The following NEK7 variants were observed in gnomAD, a reference collection of about 807,000 sequenced individuals.
NEK7 encodes serine/threonine-protein kinase Nek7.
In NEK7, 18 loss-of-function variants were observed where a neutral mutation model predicts 44.6. The ratio of observed to expected loss-of-function variants is 0.40; its 90% CI spans 0.28 to 0.60. The LOEUF (loss-of-function observed/expected upper bound fraction) is 0.60. NEK7 is among the 20% of genes least tolerant of loss of function. The pLI is 0.38. For synonymous variants in NEK7, 130 were observed against 121.1 expected, an observed-to-expected ratio of 1.07 and a Z score of -0.48; for missense variants, 256 against 366.5, an observed-to-expected ratio of 0.70 and a Z score of 2.46.
Position 198,264,133 on chromosome 1 carries a change from C to T in NEK7, c.270C>T (p.Asn90=), listed in dbSNP as rs1254667817. Residue 90 remains asparagine (N), a synonymous_variant, in exon 5 of 10, where the codon AAC becomes AAT. Transcript: ENST00000367385. ...IKEIDLLKQL[N]HPNVIKYYAS... ...CTGTTTTATTTTCTCAGCAACTCAA[C>T]CATCCAAATGTAATAAAATATTATG... 1 of 1,584,002 alleles carries T rather than the reference C, an allele frequency of 6.3e-7. No individual in the cohort carries two copies.
intron 1 of NEK7, among the ~76,000 whole-genome samples, chr1:198,168,652 G>A (rs938739413): frequency 1.3e-5 from 2 of 152,184 alleles, no homozygotes; most frequent in African/African-American, 4.8e-5. Context: ...TGTAAAATGA[G>A]TGACTCTGTG....
At chr1:198,181,196 A>G (rs971759134) in intron 1 of NEK7, among the ~76,000 whole-genome samples, 6 of 152,114 alleles carry the variant, frequency 3.9e-5, no homozygotes, top group Admixed American at 1.3e-4. Context: ...TGTTAGGTCA[A>G]CCATATACTT....
intron 2 of NEK7, among the ~76,000 whole-genome samples, chr1:198,239,277 T>C (rs1019856919): frequency 4.6e-5 from 7 of 152,196 alleles, no homozygotes; most frequent in Admixed American, 1.3e-4. Context: ...TCAGAGATCT[T>C]TATCATCTGG....
chr1:198,216,555 G>A (rs1230045268), intron 1 of NEK7, among the ~76,000 whole-genome samples: 1 of 151,768 alleles, frequency 6.6e-6, no homozygotes, highest in Non-Finnish European at 1.5e-5. Flanking sequence ...ACCCAAGCTA[G>A]CAGAGGAAAA....
intron 9 of NEK7, among the ~76,000 whole-genome samples, chr1:198,300,341 G>A (rs192439899): frequency 2.0e-5 from 3 of 152,148 alleles, no homozygotes; most frequent in East Asian, 1.9e-4. Context: ...ATTGATCATC[G>A]GATATTCTTT....
At chr1:198,259,263 T>C (rs1653376705) in intron 3 of NEK7, among the ~76,000 whole-genome samples, 1 of 152,160 alleles carries the variant, frequency 6.6e-6, no homozygotes, top group Non-Finnish European at 1.5e-5. Flanking sequence ...CTCTTATACA[T>C]CTATTATTCA....
chr1:198,285,532 T>C (rs773513213), intron 7 of NEK7, among the ~76,000 whole-genome samples: 5 of 152,176 alleles, frequency 3.3e-5, no homozygotes, highest in Non-Finnish European at 5.9e-5. Context: ...TCTTGTGTTA[T>C]ATTCATATCA....
At chr1:198,246,290 C>T (rs1666833217) in intron 2 of NEK7, among the ~76,000 whole-genome samples, 1 of 152,216 alleles carries the variant, frequency 6.6e-6, no homozygotes, top group Non-Finnish European at 1.5e-5. Context: ...CTTCTCATGT[C>T]AGCTCTCCAC....
intron 1 of NEK7, among the ~76,000 whole-genome samples, chr1:198,180,428 C>CTTTCCT (rs1407149605): frequency 6.6e-6 from 1 of 151,988 alleles, no homozygotes; most frequent in Non-Finnish European, 1.5e-5. Flanking sequence ...GATGAGGTTT[C>CTTTCCT]TTTCCTTTGT....
intron 1 of NEK7, among the ~76,000 whole-genome samples, chr1:198,220,038 A>T (rs568651002): frequency 2.6e-5 from 4 of 151,882 alleles, no homozygotes; most frequent in Non-Finnish European, 5.9e-5. Context: ...TGACTGGCAA[A>T]TATTGATTTT....
chr1:198,200,833 G>C (rs1185810911), intron 1 of NEK7, among the ~76,000 whole-genome samples: 1 of 152,202 alleles, frequency 6.6e-6, no homozygotes, highest in Non-Finnish European at 1.5e-5. Context: ...TTACAGGCAT[G>C]AGCCACTGTG....
At chr1:198,167,130 T>C (rs1274243161) in intron 1 of NEK7, among the ~76,000 whole-genome samples, 2 of 152,216 alleles carry the variant, frequency 1.3e-5, no homozygotes, top group Non-Finnish European at 2.9e-5. Flanking sequence ...CTTCTGGTAT[T>C]GGCAGCAATC....
At chr1:198,257,184 G>A (rs1653296115) in intron 3 of NEK7, among the ~76,000 whole-genome samples, 1 of 152,052 alleles carries the variant, frequency 6.6e-6, no homozygotes, top group Admixed American at 6.6e-5. Flanking sequence ...AATACTTTAT[G>A]TATTTATACA....
intron 2 of NEK7, among the ~76,000 whole-genome samples, chr1:198,248,066 T>C (rs1052299153): frequency 6.6e-6 from 1 of 151,870 alleles, no homozygotes; most frequent in Non-Finnish European, 1.5e-5. Flanking sequence ...GCTTGGAGAG[T>C]ACAGAGGGGG....
intron 9 of NEK7, among the ~76,000 whole-genome samples, chr1:198,298,309 G>T (rs372302432): frequency 6.6e-6 from 1 of 152,128 alleles, no homozygotes; most frequent in African/African-American, 2.4e-5. Flanking sequence ...ATTTGAGTTC[G>T]TGTAACTTGA....
intron 9 of NEK7, among the ~76,000 whole-genome samples, chr1:198,301,346 C>A (rs371953044): frequency 3.3e-5 from 5 of 151,828 alleles, no homozygotes; most frequent in Non-Finnish European, 7.4e-5. Context: ...GTCAGGAGAT[C>A]GAGACCATCC....
intron 3 of NEK7, among the ~76,000 whole-genome samples, chr1:198,258,996 AAAGAT>A (rs1175717262): frequency 1.3e-5 from 2 of 152,194 alleles, no homozygotes; most frequent in East Asian, 3.9e-4. Context: ...AGAGAAAAAG[AAAGAT>A]AAGATACTTC....
intron 1 of NEK7, among the ~76,000 whole-genome samples, chr1:198,173,782 TAAA>T (rs939223521): frequency 6.6e-6 from 1 of 152,156 alleles, no homozygotes; most frequent in Non-Finnish European, 1.5e-5. Context: ...TATTTTTATA[TAAA>T]AAACTTTATA....
rs540519415 is a variant in NEK7, at chr1:198,240,005, A to T, written c.57+7368A>T. On this transcript the variant is annotated intron_variant, in intron 2 of 9. Transcript: ENST00000367385. ...GTACCTAATCATATCTAAACCTAGA[A>T]AAAGTACAGTAAAAATATGGTTTTG... Among the ~76,000 whole-genome samples, 14 of 152,368 alleles carry T rather than the reference A, an allele frequency of 9.2e-5. 2 individuals are homozygous for T. In the South Asian group the frequency reaches 2.9e-3, roughly 32 times the overall value.
Sources: gnomAD v4.1 joint callset for allele counts (sites outside exome capture counted in the v4.1 genomes callset) on GRCh38, gnomAD v4.1.1 for gene constraint, MANE v1.5 for transcripts, NCBI Gene and HGNC (gene_info 2026-07-23, HGNC 2026-07-21) for gene names.